The following GBF1 variants were observed in gnomAD, a reference collection of about 807,000 sequenced individuals.
The protein encoded by GBF1 is Golgi-specific brefeldin A-resistance guanine nucleotide exchange factor 1.
In GBF1, 114 loss-of-function variants were observed where a neutral mutation model predicts 210.5. The observed-to-expected ratio is 0.54, with a 90% CI of 0.47 to 0.63. The LOEUF is 0.63. GBF1 is among the 30% of genes least tolerant of loss of function. The pLI, the probability that GBF1 is intolerant of heterozygous loss-of-function variation, is 0.00. For missense variants in GBF1, 1,851 were observed against 2,357.7 expected (o/e 0.79, Z 4.45); for synonymous variants, 850 against 889.2 (o/e 0.96, Z 0.78).
intron 3 of GBF1, among the ~76,000 whole-genome samples, chr10:102,317,373 G>A (rs1466794000): frequency 1.3e-5 from 2 of 152,044 alleles, no homozygotes; most frequent in Admixed American, 6.6e-5. Flanking sequence ...AATCCCAGCA[G>A]TTTGGGAGGC....
Position 102,266,576 on chromosome 10 carries a change from G to C in GBF1, c.163+6460G>C, listed in dbSNP as rs554806275. Among the ~76,000 whole-genome samples the C allele has an allele frequency of 9.2e-5, 14 of 152,302 alleles. No homozygotes were observed. In the South Asian group the frequency reaches 2.9e-3, roughly 32 times the overall value. On this transcript the variant is annotated intron_variant, in intron 3 of 39. Transcript: ENST00000369983. ...CTTTATGCTATATGGTCCCTATCAGGCATGGAATGGATGACCATGAGTGAG... is the reference window on the plus strand; with the variant it reads ...CTTTATGCTATATGGTCCCTATCAGCCATGGAATGGATGACCATGAGTGAG...
At chr10:102,258,851 C>A in intron 1 of GBF1, 78 bp from the exon 2 acceptor site, 3 of 704,638 alleles carry the variant, frequency 4.3e-6, no homozygotes, top group Admixed American at 1.9e-5. Context: ...CTAACCTTAT[C>A]AGGTACTGAT....
At chr10:102,266,793 C>A (rs556655053) in intron 3 of GBF1, among the ~76,000 whole-genome samples, 22 of 152,200 alleles carry the variant, frequency 1.4e-4, no homozygotes, top group Non-Finnish European at 3.2e-4. Context: ...TATTTCTTTA[C>A]AGAGCTTACT....
In GBF1 at chr10:102,381,167, C is replaced by G. The variant is rs887638183; in HGVS notation, c.5214C>G (p.Ala1738=). The change falls in exon 39 of 40, where the codon GCC becomes GCG. Residue 1738 remains alanine (A), a synonymous_variant. Coordinates refer to ENST00000369983, the MANE Select transcript of GBF1 (RefSeq NM_001377137.1). The stretch of plus-strand genomic sequence containing the variant: ...AGCCTCAAGGCCAAAAGCCTCTCGC[C>G]TCAGCCCACCTGACTTCCGCTGCTG... The part of the protein sequence containing the change: ...PMEPQGQKPL[A]SAHLTSAAGD... 1 of 1,614,016 alleles carries G rather than the reference C, an allele frequency of 6.2e-7. No individual in the cohort carries two copies. Among genetic ancestry groups the G allele is most frequent in the Non-Finnish European group, 8.5e-7 (1 of 1,179,924 alleles).
chr10:102,370,160 T>G lies in GBF1; in HGVS notation c.3340-14T>G. ...CCTTTGTCAAAGACCCCCTCTCTCT[T>G]TTGCCCTCTCTAGCAATGTGACCCA... is the stretch of plus-strand genomic sequence containing the variant. On this transcript the variant is annotated splice_polypyrimidine_tract_variant and intron_variant, in intron 26 of 39. Transcript: ENST00000369983. 1 of 1,604,310 alleles carries G rather than the reference T, an allele frequency of 6.2e-7. No individual in the cohort carries two copies. Among genetic ancestry groups the G allele is most frequent in the African/African-American group, 1.3e-5 (1 of 74,802 alleles).
rs1219151168 is a variant in GBF1, at chr10:102,361,835, A to G, written c.1609A>G (p.Thr537Ala). 1.2e-6 allele frequency: 2 copies of G among 1,613,786 alleles called. No individual in the cohort carries two copies. The highest frequency in any genetic ancestry group is 3.3e-5 in the Admixed American group (2 of 59,978). The change falls in exon 14 of 40, where the codon ACA (threonine) becomes GCA (alanine). Residue 537 changes from threonine to alanine, a missense_variant. Physicochemically the swap from Thr to Ala is moderately conservative, Grantham distance 58. Around this residue, in one of 3 missense-constraint regions of GBF1, gnomAD observed 804 missense variants for 958.6 expected, o/e 0.84. Coordinates refer to ENST00000369983, the MANE Select transcript of GBF1 (RefSeq NM_001377137.1). ...GCTCTGGCGCATCCCCAGCTTTGTC[A>G]CAGAGCTCTACATCAACTATGATTG... ...VQLWRIPSFVTELYINYDCDY... is the reference protein window; with the variant it reads ...VQLWRIPSFVAELYINYDCDY...
chr10:102,260,577 A>T (rs767096475), intron 3 of GBF1, among the ~76,000 whole-genome samples: 10 of 136,074 alleles, frequency 7.3e-5, no homozygotes, highest in Non-Finnish European at 1.4e-4. Context: ...TCCTGGGTTT[A>T]AGCCAGTCTC....
intron 3 of GBF1, 72 bp downstream of exon 3, chr10:102,260,188 C>G (rs763714418): frequency 2.3e-6 from 2 of 863,696 alleles, no homozygotes; most frequent in Non-Finnish European, 3.9e-6. Flanking sequence ...AAAGGATAGA[C>G]AAACTTTTTG....
intron 3 of GBF1, among the ~76,000 whole-genome samples, chr10:102,323,869 T>G (rs2056658897): frequency 6.6e-6 from 1 of 152,012 alleles, no homozygotes; most frequent in South Asian, 2.1e-4. Flanking sequence ...AAATACAGAG[T>G]TCACTTGAGC....
intron 3 of GBF1, among the ~76,000 whole-genome samples, chr10:102,283,033 T>C (rs1426267926): frequency 6.6e-6 from 1 of 151,868 alleles, no homozygotes; most frequent in Non-Finnish European, 1.5e-5. Context: ...CACAAGGAGG[T>C]GGAAACTATT....
chr10:102,375,705 A>G, intron 30 of GBF1, 121 bp downstream of exon 30: 1 of 668,010 alleles, frequency 1.5e-6, no homozygotes. Flanking sequence ...GGCTCCTGCC[A>G]TCACTTCCAG....
At chr10:102,333,893 A>G (rs576408407) in intron 3 of GBF1, among the ~76,000 whole-genome samples, 2 of 152,230 alleles carry the variant, frequency 1.3e-5, no homozygotes, top group South Asian at 2.1e-4. Context: ...TATGAGACCT[A>G]ACACTTTCTC....
intron 3 of GBF1, among the ~76,000 whole-genome samples, chr10:102,303,267 C>T (rs975185782): frequency 2.0e-5 from 3 of 152,088 alleles, no homozygotes; most frequent in Admixed American, 6.6e-5. Context: ...GGATTACAGG[C>T]GTGAGCCACC....
intron 4 of GBF1, among the ~76,000 whole-genome samples, chr10:102,345,603 C>G (rs1177060453): frequency 2.4e-5 from 3 of 125,396 alleles, no homozygotes; most frequent in African/African-American, 9.1e-5. Context: ...GCCAAGATCA[C>G]ACCATTGCAC....
chr10:102,368,026 G>A (rs1329033496), intron 21 of GBF1, among the ~76,000 whole-genome samples, 192 bp from the exon 22 acceptor site: 4 of 152,208 alleles, frequency 2.6e-5, no homozygotes, highest in Non-Finnish European at 5.9e-5. Flanking sequence ...CTTACAGATA[G>A]GGCTTTGAGA....
chr10:102,362,372 A>G, intron 14 of GBF1, 103 bp from the exon 15 acceptor site: 1 of 838,362 alleles, frequency 1.2e-6, no homozygotes, highest in Non-Finnish European at 1.9e-6. Flanking sequence ...ACGTTTTCTA[A>G]GGGCAATGTA....
At chr10:102,353,138 A>G (rs1267781475) in intron 7 of GBF1, among the ~76,000 whole-genome samples, 1 of 152,172 alleles carries the variant, frequency 6.6e-6, no homozygotes, top group Non-Finnish European at 1.5e-5. Flanking sequence ...AATCCTTATT[A>G]TCTACAGACT....
intron 3 of GBF1, among the ~76,000 whole-genome samples, chr10:102,341,973 C>A (rs1417949286): frequency 6.6e-6 from 1 of 152,006 alleles, no homozygotes; most frequent in African/African-American, 2.4e-5. Context: ...AGATAACAAA[C>A]CAAATTGTAC....
At chr10:102,327,096 G>A (rs1342199458) in intron 3 of GBF1, among the ~76,000 whole-genome samples, 1 of 152,188 alleles carries the variant, frequency 6.6e-6, no homozygotes, top group Non-Finnish European at 1.5e-5. Flanking sequence ...TCCATTAGAT[G>A]AGCCGAATTC....
Sources: allele counts gnomAD v4.1 joint callset (sites outside exome capture counted in the v4.1 genomes callset), GRCh38; gene constraint gnomAD v4.1.1; regional missense constraint gnomAD v4.1.1; transcripts MANE v1.5; gene names NCBI Gene and HGNC (gene_info 2026-07-23, HGNC 2026-07-21).